The following SAMD5 variants were observed in gnomAD, a reference collection of about 807,000 sequenced individuals.
SAMD5 encodes sterile alpha motif domain containing 5.
SAMD5 carries 13 observed loss-of-function variants against 11.3 expected under a neutral mutation model. The ratio of observed to expected loss-of-function variants is 1.15; its 90% CI spans 0.75 to 1.83. The LOEUF (loss-of-function observed/expected upper bound fraction) is 1.83, where lower values mean the gene tolerates loss of function less well. Ranked by LOEUF, SAMD5 falls within the 40% of genes most tolerant of loss-of-function variation. The probability of loss-of-function intolerance (pLI) is 0.00; values close to 1 mark genes in which losing one functional copy is unlikely to be tolerated. For missense variants in SAMD5, 255 were observed against 239.1 expected (o/e 1.07, Z -0.44); for synonymous variants, 129 against 111.3 (o/e 1.16, Z -1.00).
the SAMD5 span, among the ~76,000 whole-genome samples, chr6:147,754,422 T>G: frequency 2.0e-5 from 3 of 151,650 alleles, no homozygotes; most frequent in African/African-American, 7.3e-5. Flanking sequence ...GATTTTTTCC[T>G]ATAGAGTTTT....
intron 1 of SAMD5, among the ~76,000 whole-genome samples, chr6:147,586,946 C>T (rs1789383414): frequency 6.6e-6 from 1 of 152,084 alleles, no homozygotes; most frequent in Admixed American, 6.5e-5. Flanking sequence ...CATTGTTCCT[C>T]ATCTACAGTT....
chr6:147,747,007 G>A, the SAMD5 span, among the ~76,000 whole-genome samples: 1 of 152,162 alleles, frequency 6.6e-6, no homozygotes, highest in Non-Finnish European at 1.5e-5. Context: ...AACAGTCACA[G>A]GCTGTTAAAT....
At chr6:147,531,617 A>T (rs1788431577) in intron 1 of SAMD5, among the ~76,000 whole-genome samples, 3 of 152,152 alleles carry the variant, frequency 2.0e-5, no homozygotes, top group African/African-American at 7.2e-5. Context: ...CTATCAACCA[A>T]CATTCATGTC....
At chr6:147,934,368 C>T in the SAMD5 span, among the ~76,000 whole-genome samples, 1 of 152,176 alleles carries the variant, frequency 6.6e-6, no homozygotes, top group Non-Finnish European at 1.5e-5. Flanking sequence ...TATGTTGTCA[C>T]TTTCATTTAT....
intron 1 of SAMD5, among the ~76,000 whole-genome samples, chr6:147,601,365 C>T (rs889888359): frequency 6.6e-6 from 1 of 151,372 alleles, no homozygotes; most frequent in Non-Finnish European, 1.5e-5. Context: ...GGACTATAGG[C>T]AACTATTTCA....
At chr6:147,891,720 G>C in the SAMD5 span, among the ~76,000 whole-genome samples, 5 of 152,020 alleles carry the variant, frequency 3.3e-5, no homozygotes, top group African/African-American at 9.7e-5. Flanking sequence ...TTTCTCCCCA[G>C]ATCTAAGATG....
At chr6:147,872,325 T>C in the SAMD5 span, among the ~76,000 whole-genome samples, 1 of 152,130 alleles carries the variant, frequency 6.6e-6, no homozygotes, top group African/African-American at 2.4e-5. Flanking sequence ...CTAAATCTCC[T>C]AGCCTCAAGA....
chr6:147,766,114 AACAC>A, the SAMD5 span, among the ~76,000 whole-genome samples: 126 of 149,598 alleles, frequency 8.4e-4, no homozygotes, highest in Middle Eastern at 3.4e-3. Flanking sequence ...GAAAAAAAAA[AACAC>A]AAAAAAAGAA....
At chr6:147,838,172 C>T in the SAMD5 span, among the ~76,000 whole-genome samples, 2 of 151,964 alleles carry the variant, frequency 1.3e-5, no homozygotes, top group African/African-American at 4.8e-5. Context: ...GACTAGAAGC[C>T]CTACACTCAT....
chr6:147,896,755 A>AACAAAAAAAACAAACAAAC, the SAMD5 span, among the ~76,000 whole-genome samples: 1 of 142,424 alleles, frequency 7.0e-6, no homozygotes, highest in African/African-American at 2.8e-5. Flanking sequence ...AAAAAAAAAA[A>AACAAAAAAAACAAACAAAC]AAAAAAAACG....
chr6:147,795,902 T>A, the SAMD5 span, among the ~76,000 whole-genome samples: 1 of 152,142 alleles, frequency 6.6e-6, no homozygotes, highest in Admixed American at 6.5e-5. Flanking sequence ...CGCCCACTCT[T>A]TGATGGGGTT....
intron 1 of SAMD5, among the ~76,000 whole-genome samples, chr6:147,669,154 T>G (rs1790761673): frequency 6.6e-6 from 1 of 152,226 alleles, no homozygotes; most frequent in Admixed American, 6.5e-5. Context: ...TAGCATGTGA[T>G]GCTATGTGAT....
At chr6:147,526,039 A>C (rs984189774) in intron 1 of SAMD5, among the ~76,000 whole-genome samples, 1 of 152,088 alleles carries the variant, frequency 6.6e-6, no homozygotes, top group East Asian at 1.9e-4. Context: ...TGTCACCTAC[A>C]ACCACACTCT....
intron 1 of SAMD5, among the ~76,000 whole-genome samples, chr6:147,729,381 G>C (rs796744229): frequency 4.6e-5 from 7 of 152,222 alleles, no homozygotes; most frequent in African/African-American, 1.7e-4. Context: ...GATTGACCTT[G>C]CAAAATATTA....
the SAMD5 span, among the ~76,000 whole-genome samples, chr6:147,743,544 A>G: frequency 3.3e-5 from 5 of 152,148 alleles, no homozygotes; most frequent in Non-Finnish European, 7.4e-5. Flanking sequence ...AACTATTCAC[A>G]TACTATAGAT....
the SAMD5 span, among the ~76,000 whole-genome samples, chr6:147,748,680 G>GAGAA: frequency 6.6e-6 from 1 of 152,160 alleles, no homozygotes; most frequent in Non-Finnish European, 1.5e-5. Context: ...GAGAGAAGAG[G>GAGAA]AGAAAGAAAG....
At chr6:147,646,979 A>AATC (rs1790413548) in intron 1 of SAMD5, among the ~76,000 whole-genome samples, 1 of 36,338 alleles carries the variant, frequency 2.8e-5, no homozygotes, top group African/African-American at 7.6e-5. Flanking sequence ...CTCTAATAAT[A>AATC]ATAATAATAA....
chr6:147,683,888 T>G (rs566528522), intron 1 of SAMD5, among the ~76,000 whole-genome samples: 1 of 152,348 alleles, frequency 6.6e-6, no homozygotes, highest in South Asian at 2.1e-4. Context: ...AGGCTAATGC[T>G]TTATGAAATA....
At chr6:147,833,235 C>T in the SAMD5 span, among the ~76,000 whole-genome samples, 2 of 152,128 alleles carry the variant, frequency 1.3e-5, no homozygotes, top group African/African-American at 4.8e-5. Context: ...AATTTAGAGC[C>T]TCATTTTATA....
Sources: gnomAD v4.1 joint callset for allele counts (sites outside exome capture counted in the v4.1 genomes callset) on GRCh38, gnomAD v4.1.1 for gene constraint, MANE v1.5 for transcripts, NCBI Gene and HGNC (gene_info 2026-07-23, HGNC 2026-07-21) for gene names.